Variants in UGGT2 observed in about 807,000 individuals in gnomAD.
UGGT2 encodes UDP-glucose:glycoprotein glucosyltransferase 2.
A neutral mutation model predicts 192.1 loss-of-function variants in UGGT2; 180 were observed. The observed-to-expected ratio is 0.94, with a 90% CI of 0.83 to 1.06. The LOEUF is 1.06. Ranked by LOEUF, UGGT2 falls within the 50% of genes least tolerant of loss-of-function variation. The pLI, the probability that UGGT2 is intolerant of heterozygous loss-of-function variation, is 0.00. For missense variants in UGGT2, 1,849 were observed against 1,795.7 expected (o/e 1.03, Z -0.54); for synonymous variants, 580 against 591.0 (o/e 0.98, Z 0.27).
intron 1 of UGGT2, among the ~76,000 whole-genome samples, chr13:96,040,036 G>A (rs2053120907): frequency 6.6e-6 from 1 of 152,068 alleles, no homozygotes; most frequent in African/African-American, 2.4e-5. Context: ...TCTCCTCAAG[G>A]CAGTCTAGGC....
At chr13:95,933,478 T>G (rs1395307323) in intron 17 of UGGT2, among the ~76,000 whole-genome samples, 1 of 152,176 alleles carries the variant, frequency 6.6e-6, no homozygotes, top group Non-Finnish European at 1.5e-5. Context: ...GCTAGTGGTC[T>G]ATCGATCTTG....
chr13:96,028,176 A>G (rs1047831992), intron 2 of UGGT2, among the ~76,000 whole-genome samples: 2 of 152,166 alleles, frequency 1.3e-5, no homozygotes, highest in African/African-American at 4.8e-5. Context: ...TTTTATCTAG[A>G]TCTCTCACTC....
rs375843222 is a variant in UGGT2 at position 95,948,026 on chromosome 13, T to A, written c.1511A>T (p.Asp504Val). ...AGGAACTTCGTGAGAATAGAAAACA[T>A]CAGCAAGTTTTATAAAATCCAAGGT... ...EYTLDFIKLA[D>V]VFYSHEVPLR... Residue 504 changes from aspartate to valine, a missense_variant, in exon 14 of 39, where the codon GAT (aspartate) becomes GTT (valine). Coordinates refer to ENST00000376747, the MANE Select transcript of UGGT2 (RefSeq NM_020121.4). The A allele has an allele frequency of 3.7e-6, 6 of 1,613,002 alleles. No homozygotes were observed. Among genetic ancestry groups the A allele is most frequent in the South Asian group, 1.1e-5 (1 of 91,022 alleles).
chr13:95,896,984 C>T (rs1226840083), intron 22 of UGGT2, among the ~76,000 whole-genome samples: 1 of 152,102 alleles, frequency 6.6e-6, no homozygotes. Flanking sequence ...TGTCTCTCTA[C>T]TCACAGAAGT....
intron 24 of UGGT2, among the ~76,000 whole-genome samples, chr13:95,894,115 CT>C (rs2047880327): frequency 6.6e-6 from 1 of 152,152 alleles, no homozygotes; most frequent in South Asian, 2.1e-4. Context: ...AACAGTTCAG[CT>C]TTGCCTTGAC....
chr13:95,942,960 T>C (rs940442863), intron 15 of UGGT2, among the ~76,000 whole-genome samples: 4 of 152,160 alleles, frequency 2.6e-5, no homozygotes, highest in Non-Finnish European at 5.9e-5. Context: ...AGGTGTAAAG[T>C]CTTATTTACT....
At chr13:95,961,045 T>C (rs1219335208) in intron 12 of UGGT2, among the ~76,000 whole-genome samples, 1 of 152,162 alleles carries the variant, frequency 6.6e-6, no homozygotes, top group Non-Finnish European at 1.5e-5. Context: ...GGGAGTCCTA[T>C]ACCCAGAAGT....
In UGGT2 at chr13:95,927,312, C is replaced by G. The variant is rs1350842203; in HGVS notation, c.2002G>C (p.Ala668Pro). Residue 668 changes from alanine to proline, a missense_variant, in exon 18 of 39, where the codon GCA becomes CCA. Transcript: ENST00000376747. ...FLGTLNDRTN[A>P]IDFLMDRNNV... ...TTCCTATCCATTAGAAAATCAATTGCATTCGTGCGATCATTTAATGTGCCC... is the reference window on the plus strand; with the variant it reads ...TTCCTATCCATTAGAAAATCAATTGGATTCGTGCGATCATTTAATGTGCCC... The G allele has an allele frequency of 6.2e-7, 1 of 1,607,794 alleles. No homozygotes were observed. Among genetic ancestry groups the G allele is most frequent in the Non-Finnish European group, 8.5e-7 (1 of 1,178,404 alleles).
At chr13:95,803,936 A>G (rs1470574911) in intron 38 of UGGT2, among the ~76,000 whole-genome samples, 1 of 152,208 alleles carries the variant, frequency 6.6e-6, no homozygotes, top group Non-Finnish European at 1.5e-5. Flanking sequence ...AACTAAAGCA[A>G]TATTCAAAAC....
intron 21 of UGGT2, among the ~76,000 whole-genome samples, chr13:95,902,359 T>C (rs1170513582): frequency 1.3e-5 from 2 of 152,166 alleles, no homozygotes; most frequent in Non-Finnish European, 2.9e-5. Context: ...AAACCACTTA[T>C]AAATATTTTG....
rs886967830 is a variant in UGGT2, at chr13:96,053,240, C to G, written c.73G>C (p.Gly25Arg). 1 of 1,552,146 alleles carries G rather than the reference C, an allele frequency of 6.4e-7. No homozygotes were observed. The highest frequency in any genetic ancestry group is 1.2e-5 in the South Asian group (1 of 84,428). ...GSTALWLSQL[G>R]SGTVAASKSV... ...TTGGACGCGGCGACCGTCCCGGAGCCGAGCTGCGAAAGCCACAGCGCTGTG... is the reference window on the plus strand; with the variant it reads ...TTGGACGCGGCGACCGTCCCGGAGCGGAGCTGCGAAAGCCACAGCGCTGTG... Residue 25 changes from glycine to arginine, a missense_variant, in exon 1 of 39, where the codon GGC becomes CGC. Gly to Arg is a moderately radical substitution (Grantham distance 125). Transcript: ENST00000376747.
chr13:95,959,776 AG>A (rs2050329997), intron 12 of UGGT2, among the ~76,000 whole-genome samples: 1 of 152,078 alleles, frequency 6.6e-6, no homozygotes, highest in South Asian at 2.1e-4. Flanking sequence ...TGTCATTCCC[AG>A]CACCCAAGCA....
chr13:95,872,566 AT>A (rs562815755), intron 29 of UGGT2, among the ~76,000 whole-genome samples: 1 of 151,792 alleles, frequency 6.6e-6, no homozygotes. Flanking sequence ...AGTAACATGT[AT>A]TTTTTTTGCA....
At chr13:95,921,264 A>T (rs1168110845) in intron 20 of UGGT2, among the ~76,000 whole-genome samples, 2 of 151,312 alleles carry the variant, frequency 1.3e-5, no homozygotes, top group Non-Finnish European at 2.9e-5. Context: ...TATCTAGGCA[A>T]TGGGATGAAC....
At chr13:95,920,450 C>T (rs1366744918) in intron 20 of UGGT2, among the ~76,000 whole-genome samples, 3 of 151,946 alleles carry the variant, frequency 2.0e-5, no homozygotes, top group Non-Finnish European at 4.4e-5. Flanking sequence ...CCAATCTATC[C>T]ATCTGACCAA....
chr13:95,936,716 T>G (rs1156764320), intron 17 of UGGT2, among the ~76,000 whole-genome samples: 5 of 152,184 alleles, frequency 3.3e-5, no homozygotes, highest in Admixed American at 3.3e-4. Flanking sequence ...TGCCTGGGCA[T>G]GGAGTATAAA....
intron 26 of UGGT2, 82 bp from the exon 27 acceptor site, chr13:95,884,762 T>A: frequency 7.4e-7 from 1 of 1,347,864 alleles, no homozygotes; most frequent in Non-Finnish European, 1.0e-6. Context: ...GAAAATTGCT[T>A]AATGATCTGA....
intron 1 of UGGT2, among the ~76,000 whole-genome samples, chr13:96,032,903 G>C (rs956720074): frequency 2.0e-5 from 3 of 152,174 alleles, no homozygotes; most frequent in Admixed American, 2.0e-4. Flanking sequence ...TAGGAATTTA[G>C]AGTAATAAGT....
At chr13:95,975,146 G>T (rs1288681664) in intron 10 of UGGT2, among the ~76,000 whole-genome samples, 5 of 152,068 alleles carry the variant, frequency 3.3e-5, no homozygotes, top group African/African-American at 7.2e-5. Context: ...TTCACCTAAG[G>T]ACAGAGAGGA....
Sources: gnomAD v4.1 joint callset for allele counts (sites outside exome capture counted in the v4.1 genomes callset) on GRCh38, gnomAD v4.1.1 for gene constraint, MANE v1.5 for transcripts, NCBI Gene and HGNC (gene_info 2026-07-23, HGNC 2026-07-21) for gene names.